Variants in ARHGAP24 observed in about 807,000 individuals in gnomAD.
ARHGAP24 encodes the protein rho GTPase-activating protein 24.
ARHGAP24 carries 50 observed loss-of-function variants against 76.4 expected under a neutral mutation model. The observed-to-expected ratio is 0.65, with a 90% CI of 0.52 to 0.83. The LOEUF (loss-of-function observed/expected upper bound fraction) is 0.83. ARHGAP24 is among the 40% of genes least tolerant of loss of function. The pLI, the probability that ARHGAP24 is intolerant of heterozygous loss-of-function variation, is 0.00. For synonymous variants in ARHGAP24, 345 were observed against 323.3 expected (o/e 1.07, Z -0.72); for missense variants, 930 against 914.2 (o/e 1.02, Z -0.22).
intron 2 of ARHGAP24, among the ~76,000 whole-genome samples, chr4:85,598,642 A>G (rs1272167205): frequency 1.3e-5 from 2 of 152,040 alleles, no homozygotes; most frequent in South Asian, 4.1e-4. Context: ...TATAGTGTTA[A>G]TCATGACCCA....
rs1234947154 is a variant in ARHGAP24 at position 85,593,931 on chromosome 4, T to A, written c.180+23210T>A. 1.7e-4 allele frequency among the ~76,000 whole-genome samples: 26 copies of A among 152,222 alleles called. No individual in the cohort carries two copies. In the East Asian group the frequency reaches 5.0e-3, roughly 29 times the overall value. On this transcript the variant is annotated intron_variant, in intron 2 of 9. Coordinates refer to ENST00000395184, the MANE Select transcript of ARHGAP24 (RefSeq NM_001025616.3). ...TTTGTGCTCAGAATAGCTTTGGCTA[T>A]TCCGGGTCTTTTGTGATTCTGTATA...
chr4:85,750,135 G>T (rs184783729), intron 3 of ARHGAP24, among the ~76,000 whole-genome samples: 169 of 152,208 alleles, frequency 1.1e-3, no homozygotes, highest in Middle Eastern at 3.4e-3. Context: ...TTTGGTAGGA[G>T]AAAATTTAAA....
intron 3 of ARHGAP24, among the ~76,000 whole-genome samples, chr4:85,923,094 C>G (rs1288078392): frequency 6.6e-6 from 1 of 151,900 alleles, no homozygotes. Context: ...GTTGTGATCT[C>G]GGGGGATGAG....
intron 1 of ARHGAP24, among the ~76,000 whole-genome samples, chr4:85,485,181 T>TA (rs1031363434): frequency 8.1e-5 from 12 of 148,272 alleles, no homozygotes; most frequent in Admixed American, 1.3e-4. Flanking sequence ...CCGTCTCTAC[T>TA]AAAAAAAATA....
chr4:85,590,962 A>G (rs914505315), intron 2 of ARHGAP24, among the ~76,000 whole-genome samples: 1 of 151,784 alleles, frequency 6.6e-6, no homozygotes, highest in African/African-American at 2.4e-5. Context: ...ATATTTGCAA[A>G]ATGAAAGGCT....
intron 4 of ARHGAP24, among the ~76,000 whole-genome samples, chr4:85,937,471 A>G (rs957891862): frequency 2.0e-5 from 3 of 152,214 alleles, no homozygotes; most frequent in African/African-American, 7.2e-5. Flanking sequence ...AATAGCCCAA[A>G]TTGAGATACA....
At chr4:85,933,201 G>A (rs1341316216) in intron 4 of ARHGAP24, among the ~76,000 whole-genome samples, 1 of 152,138 alleles carries the variant, frequency 6.6e-6, no homozygotes, top group African/African-American at 2.4e-5. Context: ...TAAGGAGAAT[G>A]TGTGAAGCCA....
chr4:85,978,574 A>G (rs563968566), intron 8 of ARHGAP24, among the ~76,000 whole-genome samples: 2 of 152,300 alleles, frequency 1.3e-5, no homozygotes, highest in Admixed American at 6.5e-5. Context: ...CTTAATTTCT[A>G]TCTGAGGAGT....
chr4:85,716,994 G>A (rs1170382896), intron 2 of ARHGAP24, among the ~76,000 whole-genome samples: 1 of 152,070 alleles, frequency 6.6e-6, no homozygotes, highest in Non-Finnish European at 1.5e-5. Flanking sequence ...AAGAGAGCTT[G>A]GTTTATGGAA....
At chr4:85,769,793 T>C (rs1382376158) in intron 3 of ARHGAP24, among the ~76,000 whole-genome samples, 1 of 152,150 alleles carries the variant, frequency 6.6e-6, no homozygotes. Flanking sequence ...TTCACCATGT[T>C]AGCCAGGCTG....
At chr4:85,556,155 C>T (rs1726354664) in intron 1 of ARHGAP24, among the ~76,000 whole-genome samples, 1 of 151,982 alleles carries the variant, frequency 6.6e-6, no homozygotes, top group Admixed American at 6.5e-5. Flanking sequence ...GGTTTGAGGG[C>T]TCACAGAGAG....
chr4:85,683,118 G>GGGGT (rs1553922581), intron 2 of ARHGAP24, among the ~76,000 whole-genome samples: 19 of 37,712 alleles, frequency 5.0e-4, no homozygotes, highest in African/African-American at 1.8e-3. Context: ...GTGGGGGGGT[G>GGGGT]GGGGGGGGGT....
chr4:85,855,045 G>T (rs191629846), intron 3 of ARHGAP24, among the ~76,000 whole-genome samples: 1 of 152,132 alleles, frequency 6.6e-6, no homozygotes, highest in Non-Finnish European at 1.5e-5. Flanking sequence ...GCAATTTCAC[G>T]CTACCATCAT....
intron 1 of ARHGAP24, among the ~76,000 whole-genome samples, chr4:85,554,159 C>T (rs2869357): frequency 0.98 from 148,614 of 152,290 alleles, 72,630 homozygotes; most frequent in East Asian, 1. Flanking sequence ...GTGGAGTTTC[C>T]GCTGAAAGGT....
intron 3 of ARHGAP24, among the ~76,000 whole-genome samples, chr4:85,802,135 G>A (rs961275418): frequency 1.3e-5 from 2 of 152,084 alleles, no homozygotes; most frequent in African/African-American, 2.4e-5. Context: ...GATAATGTTT[G>A]GATAAGAATT....
chr4:85,562,698 A>G (rs866429767), intron 1 of ARHGAP24, among the ~76,000 whole-genome samples: 11 of 152,140 alleles, frequency 7.2e-5, no homozygotes, highest in Non-Finnish European at 1.3e-4. Flanking sequence ...TCCATAAACT[A>G]GGAGGTGGTA....
intron 3 of ARHGAP24, among the ~76,000 whole-genome samples, chr4:85,869,142 A>G (rs1288738024): frequency 6.6e-6 from 1 of 152,160 alleles, no homozygotes; most frequent in Non-Finnish European, 1.5e-5. Flanking sequence ...TTTGTCAGAA[A>G]ATAAGAGAAC....
At chr4:85,720,818 G>T (rs1029085779) in intron 2 of ARHGAP24, among the ~76,000 whole-genome samples, 2 of 152,086 alleles carry the variant, frequency 1.3e-5, no homozygotes, top group Non-Finnish European at 2.9e-5. Context: ...AAGGAAAGAA[G>T]GTGCTTCAAG....
intron 3 of ARHGAP24, among the ~76,000 whole-genome samples, chr4:85,755,964 G>A (rs1462443142): frequency 6.6e-6 from 1 of 152,026 alleles, no homozygotes. Flanking sequence ...TACCAATTGT[G>A]ATTGGTAACA....
Sources: allele counts gnomAD v4.1 joint callset (sites outside exome capture counted in the v4.1 genomes callset), GRCh38; gene constraint gnomAD v4.1.1; transcripts MANE v1.5; gene names NCBI Gene and HGNC (gene_info 2026-07-23, HGNC 2026-07-21).